CCDC15: variants seen among roughly 807,000 people sequenced by gnomAD.
The protein encoded by CCDC15 is coiled-coil domain containing 15, also known as coiled-coil domain-containing protein 15.
CCDC15 carries 105 observed loss-of-function variants against 114.5 expected under a neutral mutation model. The observed-to-expected ratio is 0.92, with a 90% CI of 0.78 to 1.08. The LOEUF is 1.08. Ranked by LOEUF, CCDC15 falls within the 50% of genes least tolerant of loss-of-function variation. The pLI is 0.00. For synonymous variants in CCDC15, 334 were observed against 377.8 expected, an observed-to-expected ratio of 0.88 and a Z score of 1.34; for missense variants, 1,105 against 1,093.6, an observed-to-expected ratio of 1.01 and a Z score of -0.15.
At chr11:124,991,411 A>G (rs775038947) in intron 8 of CCDC15, 50 bp from the exon 9 acceptor site, 4 of 1,282,156 alleles carry the variant, frequency 3.1e-6, no homozygotes, top group Non-Finnish European at 4.2e-6. Context: ...TATTGCCATC[A>G]TATTAGTCTT....
At chr11:124,992,547 T>G in intron 9 of CCDC15, 33 bp from the exon 10 acceptor site, 1 of 1,313,150 alleles carries the variant, frequency 7.6e-7, no homozygotes, top group Non-Finnish European at 1.1e-6. Flanking sequence ...TTTTTTTCTG[T>G]TGTTGTTTTT....
intron 11 of CCDC15, among the ~76,000 whole-genome samples, chr11:125,001,530 C>T (rs1459581561): frequency 6.6e-6 from 1 of 152,176 alleles, no homozygotes; most frequent in Non-Finnish European, 1.5e-5. Flanking sequence ...CATCACCCCC[C>T]AAAAGTCCTG....
rs370568371 is a variant in CCDC15, at chr11:124,987,384, A to C, written c.1158A>C (p.Thr386=). ...AGCCAGAAGGCCAGCCTATTAAGAC[A>C]GAAACTCAGGGTATTATGCTGAAAG... ...AIEPEGQPIK[T]ETQGIMLKAQ... Residue 386 remains threonine, a synonymous_variant, in exon 8 of 16, where the codon ACA becomes ACC. Transcript: ENST00000344762. 6.2e-7 allele frequency: 1 copy of C among 1,614,030 alleles called. No homozygotes were observed.
At position 124,959,827 on chromosome 11, in the gene CCDC15, G is replaced by A; in HGVS notation, c.340G>A (p.Gly114Ser). ...QKSYERAQKE[G>S]SIAMQSSATH... ...TTCTTTCGTGTAGGCACAAAAAGAA[G>A]GCTCCATAGCCATGCAGTCTTCAGC... The change falls in exon 4 of 16, where the codon GGC (glycine) becomes AGC (serine). Residue 114 changes from glycine to serine, a missense_variant. Coordinates refer to ENST00000344762, the MANE Select transcript of CCDC15 (RefSeq NM_025004.3). The A allele has an allele frequency of 6.3e-7, 1 of 1,590,484 alleles. No individual in the cohort carries two copies. The highest frequency in any genetic ancestry group is 8.6e-7 in the Non-Finnish European group (1 of 1,168,282).
intron 4 of CCDC15, among the ~76,000 whole-genome samples, chr11:124,966,251 T>A (rs1204602992): frequency 6.6e-6 from 1 of 152,210 alleles, no homozygotes; most frequent in African/African-American, 2.4e-5. Context: ...TGTTAAAGTC[T>A]CCCATTATTA....
intron 4 of CCDC15, among the ~76,000 whole-genome samples, chr11:124,963,586 G>A (rs1591570582): frequency 6.6e-6 from 1 of 151,108 alleles, no homozygotes. Flanking sequence ...TTCCCATTCT[G>A]TAGGTTGCCT....
At chr11:124,967,133 G>A (rs1259876536) in intron 4 of CCDC15, among the ~76,000 whole-genome samples, 4 of 152,176 alleles carry the variant, frequency 2.6e-5, no homozygotes, top group Non-Finnish European at 4.4e-5. Context: ...CTCTTCTCGA[G>A]GAGTATCTTT....
chr11:124,966,652 A>G (rs1158110737), intron 4 of CCDC15, among the ~76,000 whole-genome samples: 4 of 152,120 alleles, frequency 2.6e-5, no homozygotes, highest in Non-Finnish European at 5.9e-5. Flanking sequence ...TTTAAGGTTA[A>G]TATTGTTATG....
chr11:125,031,328 G>A (rs1266415457), intron 13 of CCDC15, among the ~76,000 whole-genome samples: 7 of 152,224 alleles, frequency 4.6e-5, no homozygotes, highest in Admixed American at 3.9e-4. Flanking sequence ...GAGGCCATTG[G>A]TGCAGGCTGG....
chr11:124,959,529 C>G (rs919666913), intron 3 of CCDC15, among the ~76,000 whole-genome samples: 1 of 152,142 alleles, frequency 6.6e-6, no homozygotes, highest in Non-Finnish European at 1.5e-5. Flanking sequence ...TTTGCTACTT[C>G]TAGCTATTGA....
At chr11:125,011,410 G>C (rs905515996) in intron 13 of CCDC15, among the ~76,000 whole-genome samples, 2 of 151,758 alleles carry the variant, frequency 1.3e-5, no homozygotes, top group Non-Finnish European at 2.9e-5. Flanking sequence ...GCTAATTTTT[G>C]TATTTTTAGT....
chr11:125,000,333 C>T (rs1948457471), intron 11 of CCDC15, among the ~76,000 whole-genome samples: 1 of 152,142 alleles, frequency 6.6e-6, no homozygotes, highest in African/African-American at 2.4e-5. Context: ...GTTTTCAAAG[C>T]TTTCATTATA....
chr11:125,032,440 C>T (rs1948746128), intron 13 of CCDC15, among the ~76,000 whole-genome samples: 2 of 152,186 alleles, frequency 1.3e-5, no homozygotes, highest in Non-Finnish European at 2.9e-5. Context: ...CAGTTGAAGT[C>T]ACCACTTGGT....
chr11:124,956,323 A>T (rs554312857), intron 2 of CCDC15, among the ~76,000 whole-genome samples: 1 of 152,254 alleles, frequency 6.6e-6, no homozygotes, highest in Non-Finnish European at 1.5e-5. Context: ...TAAGAAATAG[A>T]GAAGAACAGC....
At chr11:124,965,851 CATTGG>C (rs1376767789) in intron 4 of CCDC15, among the ~76,000 whole-genome samples, 14 of 152,324 alleles carry the variant, frequency 9.2e-5, no homozygotes, top group Admixed American at 8.5e-4. Flanking sequence ...TCTCTGTTCT[CATTGG>C]TTTCAAAGAA....
intron 13 of CCDC15, among the ~76,000 whole-genome samples, chr11:125,006,788 A>C (rs1948555363): frequency 6.6e-6 from 1 of 152,054 alleles, no homozygotes; most frequent in Non-Finnish European, 1.5e-5. Context: ...TCTTTTATTA[A>C]TCATATTGCC....
At chr11:125,028,880 AAC>A (rs1948721276) in intron 13 of CCDC15, among the ~76,000 whole-genome samples, 2 of 152,132 alleles carry the variant, frequency 1.3e-5, no homozygotes. Flanking sequence ...AGAGGGACAG[AAC>A]TAATGGAATA....
At chr11:124,987,060 A>G in intron 7 of CCDC15, 67 bp from the exon 8 acceptor site, 1 of 1,394,344 alleles carries the variant, frequency 7.2e-7, no homozygotes, top group East Asian at 2.5e-5. Context: ...TATTTCGATT[A>G]TTTTGGAAAA....
In CCDC15 at chr11:124,959,926, C is replaced by G. The variant is rs991033325; in HGVS notation, c.439C>G (p.Pro147Ala). 5 of 1,586,404 alleles carry G rather than the reference C, an allele frequency of 3.2e-6. No homozygotes were observed. The African/African-American group carries it at 6.7e-5, about 21-fold the overall frequency. Residue 147 changes from proline (P) to alanine (A), a missense_variant, in exon 4 of 16, where the codon CCT becomes GCT. By Grantham distance (27) the Pro-to-Ala change is conservative (BLOSUM62 -1). Coordinates refer to ENST00000344762, the MANE Select transcript of CCDC15 (RefSeq NM_025004.3). ...TGTTGCTATTGGAAGTTCTAGGTTACCTCCTTCCCTGATGCCTGGGGATGG... is the reference window on the plus strand; with the variant it reads ...TGTTGCTATTGGAAGTTCTAGGTTAGCTCCTTCCCTGATGCCTGGGGATGG... ...LNVAIGSSRL[P>A]PSLMPGDGIE...
Sources: allele counts gnomAD v4.1 joint callset (sites outside exome capture counted in the v4.1 genomes callset), GRCh38; gene constraint gnomAD v4.1.1; transcripts MANE v1.5; gene names NCBI Gene and HGNC (gene_info 2026-07-23, HGNC 2026-07-21).